The following RECK variants were observed in gnomAD, a reference collection of about 807,000 sequenced individuals.
RECK encodes reversion-inducing cysteine-rich protein with Kazal motifs.
RECK carries 69 observed loss-of-function variants against 115.1 expected under a neutral mutation model. The ratio of observed to expected loss-of-function variants is 0.60; its 90% CI spans 0.49 to 0.73. The LOEUF (loss-of-function observed/expected upper bound fraction) is 0.73. RECK is among the 30% of genes least tolerant of loss of function. RECK has a pLI of 0.00. For synonymous variants in RECK, 414 were observed against 419.7 expected (o/e 0.99, Z 0.17); for missense variants, 1,047 against 1,203.7 (o/e 0.87, Z 1.93).
chr9:36,095,189 C>G (rs558769088), intron 10 of RECK, among the ~76,000 whole-genome samples: 1 of 152,130 alleles, frequency 6.6e-6, no homozygotes. Context: ...GAGCAAGACT[C>G]TCTCAAAAAA....
At position 36,100,312 on chromosome 9, in the gene RECK, TG is replaced by T; in HGVS notation, c.1086-17del. The T allele has an allele frequency of 6.2e-7, 1 of 1,600,472 alleles. No homozygotes were observed. Among genetic ancestry groups the T allele is most frequent in the Non-Finnish European group, 8.6e-7 (1 of 1,168,758 alleles). On this transcript the variant is annotated intron_variant, in intron 10 of 20. Coordinates refer to ENST00000377966, the MANE Select transcript of RECK (RefSeq NM_021111.3). Reference sequence around the variant, plus strand: ...AAAATAATTGCCTCTTGATTCTTTCTGGCCTTTTTTCTCTTTAGGCCAACAG... The same window carrying T: ...AAAATAATTGCCTCTTGATTCTTTCTGCCTTTTTTCTCTTTAGGCCAACAG...
At chr9:36,122,243 G>A (rs886958750) in intron 20 of RECK, among the ~76,000 whole-genome samples, 5 of 152,228 alleles carry the variant, frequency 3.3e-5, no homozygotes, top group South Asian at 2.1e-4. Context: ...GGAAGGGAAC[G>A]AAGGCAAGCA....
chr9:36,069,659 G>T (rs1325922767), intron 6 of RECK, among the ~76,000 whole-genome samples: 1 of 152,048 alleles, frequency 6.6e-6, no homozygotes, highest in African/African-American at 2.4e-5. Context: ...AACACAGAGG[G>T]GCATGGGGCT....
At chr9:36,083,669 T>C (rs7871153) in intron 8 of RECK, 107 bp downstream of exon 8, 84,972 of 1,174,936 alleles carry the variant, frequency 0.072, 7,436 homozygotes, top group African/African-American at 0.31. Flanking sequence ...ATTTGAGAAA[T>C]ATCAGACTTC....
At chr9:36,049,677 C>T (rs193178918) in intron 1 of RECK, among the ~76,000 whole-genome samples, 197 of 152,244 alleles carry the variant, frequency 1.3e-3, no homozygotes, top group Non-Finnish European at 2.5e-3. Flanking sequence ...CGGGAAATTC[C>T]GGTGATTTAG....
At chr9:36,108,228 A>ATC in intron 14 of RECK, 64 bp downstream of exon 14, 1 of 1,220,894 alleles carries the variant, frequency 8.2e-7, no homozygotes, top group Non-Finnish European at 1.1e-6. Context: ...TGTAGGAAGA[A>ATC]TACTGGATAG....
At position 36,118,844 on chromosome 9, in the gene RECK, G is replaced by T; in HGVS notation, c.2341G>T (p.Val781Phe). 6.2e-7 allele frequency: 1 copy of T among 1,614,156 alleles called. No homozygotes were observed. The highest frequency in any genetic ancestry group is 8.5e-7 in the Non-Finnish European group (1 of 1,180,050). The change falls in exon 18 of 21, where the codon GTC becomes TTC. Residue 781 changes from valine to phenylalanine, a missense_variant. Physicochemically the swap from Val to Phe is conservative, Grantham distance 50. Coordinates refer to ENST00000377966, the MANE Select transcript of RECK (RefSeq NM_021111.3). The stretch of plus-strand genomic sequence containing the variant: ...TGCTGCCTACTCGGATCGCGTGGCA[G>T]TCGATTACTATGGGGACTGCCAGGC... ...VCAAYSDRVA[V>F]DYYGDCQAVG...
At chr9:36,091,085 A>G (rs1823140015) in intron 9 of RECK, 79 bp from the exon 10 acceptor site, 1 of 1,354,218 alleles carries the variant, frequency 7.4e-7, no homozygotes. Context: ...TATATAGTTC[A>G]TAGAGTTTTA....
intron 1 of RECK, among the ~76,000 whole-genome samples, chr9:36,037,559 C>T (rs1820715922): frequency 6.6e-6 from 1 of 151,968 alleles, no homozygotes; most frequent in South Asian, 2.1e-4. Context: ...ACGGTCCCCA[C>T]AGCCCGCGTG....
In RECK at chr9:36,112,466, A is replaced by G; in HGVS notation, c.2050A>G (p.Lys684Glu). Residue 684 changes from lysine to glutamate, a missense_variant, in exon 16 of 21, where the codon AAA becomes GAA. Coordinates refer to ENST00000377966, the MANE Select transcript of RECK (RefSeq NM_021111.3). ...KDPCNPNPCQ[K>E]NQRCIPKPQV... Reference sequence around the variant, plus strand: ...TCCATGTAATCCTAATCCCTGCCAAAAAAACCAAAGGTAAGTCAAATGGCT... The same window carrying G: ...TCCATGTAATCCTAATCCCTGCCAAGAAAACCAAAGGTAAGTCAAATGGCT... 6.2e-7 allele frequency: 1 copy of G among 1,614,106 alleles called. No homozygotes were observed. The highest frequency in any genetic ancestry group is 8.5e-7 in the Non-Finnish European group (1 of 1,180,048).
At chr9:36,039,982 G>A (rs867771984) in intron 1 of RECK, among the ~76,000 whole-genome samples, 1 of 152,148 alleles carries the variant, frequency 6.6e-6, no homozygotes, top group Non-Finnish European at 1.5e-5. Flanking sequence ...TTTTCACTGT[G>A]TGCCACTTGT....
intron 13 of RECK, among the ~76,000 whole-genome samples, chr9:36,106,204 C>T (rs1266969138): frequency 1.5e-5 from 2 of 131,806 alleles, no homozygotes; most frequent in Admixed American, 7.9e-5. Context: ...AGCCAGACTC[C>T]GTCTCAAAAA....
intron 2 of RECK, among the ~76,000 whole-genome samples, chr9:36,055,275 G>A (rs1821478668): frequency 6.6e-6 from 1 of 152,118 alleles, no homozygotes; most frequent in African/African-American, 2.4e-5. Flanking sequence ...CATAGTACCT[G>A]CTGGTTTATT....
chr9:36,122,856 T>A lies in RECK; in HGVS notation c.2727T>A (p.Ile909=). 1 of 1,614,092 alleles carries A rather than the reference T, an allele frequency of 6.2e-7. No homozygotes were observed. The highest frequency in any genetic ancestry group is 8.5e-7 in the Non-Finnish European group (1 of 1,179,962). Residue 909 remains isoleucine (I), a synonymous_variant, in exon 21 of 21, where the codon ATT becomes ATA. Coordinates refer to ENST00000377966, the MANE Select transcript of RECK (RefSeq NM_021111.3). ...IEACNKEAEK[I]ESLINSDSPT... ...CCTGCAATAAAGAAGCAGAGAAGAT[T>A]GAGTCCCTTATCAACTCTGACAGCC...
rs77538157 is a variant in RECK at position 36,039,165 on chromosome 9, A to T, written c.100+2067A>T. Reference sequence around the variant, plus strand: ...CAACATATAGTTTGCATTGTTTGATAAAAAAAAAAAATTCCAAGTTTGATC... The same window carrying T: ...CAACATATAGTTTGCATTGTTTGATTAAAAAAAAAAATTCCAAGTTTGATC... On this transcript the variant is annotated intron_variant, in intron 1 of 20. Transcript: ENST00000377966. Among the ~76,000 whole-genome samples the T allele has an allele frequency of 0.021, 521 of 25,318 alleles. 2 individuals are homozygous for T. In the African/African-American group the frequency reaches 0.21, roughly 10 times the overall value. The allele number at this position is 25,318 out of a possible 152,430, so 16.6% of individuals were successfully genotyped here.
At position 36,107,982 on chromosome 9, in the gene RECK, A is replaced by G; in HGVS notation, c.1583A>G (p.Lys528Arg). ...CTAATTTTTGCTTGTACAGGTTGCA[A>G]ACTGGGAGAAGCTTCTGATTTCATT... ...CLPYFCVQGC[K>R]LGEASDFIVR... The change falls in exon 14 of 21, where the codon AAA (lysine) becomes AGA (arginine). Residue 528 changes from lysine to arginine, a missense_variant. Lys to Arg is a conservative substitution (Grantham distance 26, BLOSUM62 2). Transcript: ENST00000377966. The G allele has an allele frequency of 1.2e-6, 2 of 1,610,926 alleles. No individual in the cohort carries two copies. Among genetic ancestry groups the G allele is most frequent in the Non-Finnish European group, 1.7e-6 (2 of 1,178,730 alleles).
At chr9:36,104,950 ATGAATGTATGTTTATGTGAAATTCATC>A (rs958931673) in intron 12 of RECK, among the ~76,000 whole-genome samples, 166 bp from the exon 13 acceptor site, 1 of 152,162 alleles carries the variant, frequency 6.6e-6, no homozygotes, top group Non-Finnish European at 1.5e-5. Flanking sequence ...TAAAAAAAGA[ATGAATGTATGTTTATGTGAAATTCATC>A]ATTTCACAAA....
chr9:36,102,580 C>CT (rs879382358), intron 12 of RECK, among the ~76,000 whole-genome samples: 2 of 152,148 alleles, frequency 1.3e-5, no homozygotes, highest in Non-Finnish European at 2.9e-5. Flanking sequence ...CCCCCAGAGA[C>CT]TATCAGCCTT....
intron 4 of RECK, among the ~76,000 whole-genome samples, chr9:36,060,920 A>T (rs1821731117): frequency 6.6e-6 from 1 of 152,202 alleles, no homozygotes; most frequent in African/African-American, 2.4e-5. Context: ...TGTGAATGAT[A>T]CTAGACTGGA....
Sources: allele counts gnomAD v4.1 joint callset (sites outside exome capture counted in the v4.1 genomes callset), GRCh38; gene constraint gnomAD v4.1.1; transcripts MANE v1.5; gene names NCBI Gene and HGNC (gene_info 2026-07-23, HGNC 2026-07-21).